The following DCT variants were observed in gnomAD, a reference collection of about 807,000 sequenced individuals.
DCT encodes the protein L-dopachrome tautomerase.
Under a neutral mutation model 53.0 loss-of-function variants are expected in DCT, and 47 were observed. That is an observed-to-expected ratio of 0.89 (90% confidence interval 0.70 to 1.13). The LOEUF (loss-of-function observed/expected upper bound fraction) is 1.13. Among genes scored for constraint, DCT ranks in the 50% most tolerant of loss-of-function variants. The pLI is 0.00. For missense variants in DCT, 669 were observed against 637.4 expected, an observed-to-expected ratio of 1.05 and a Z score of -0.53; for synonymous variants, 244 against 237.0, an observed-to-expected ratio of 1.03 and a Z score of -0.27.
the DCT span, among the ~76,000 whole-genome samples, chr13:94,488,234 T>A: frequency 6.6e-6 from 1 of 152,146 alleles, no homozygotes; most frequent in African/African-American, 2.4e-5. Flanking sequence ...AAAATACAGT[T>A]CTATGGGAGG....
At chr13:94,455,241 G>GC (rs1384974734) in intron 6 of DCT, among the ~76,000 whole-genome samples, 4 of 152,080 alleles carry the variant, frequency 2.6e-5, no homozygotes, top group Non-Finnish European at 5.9e-5. Context: ...AAAAAGCTGA[G>GC]CATGGTGGTA....
chr13:94,507,430 A>T, the DCT span, among the ~76,000 whole-genome samples: 1 of 151,742 alleles, frequency 6.6e-6, no homozygotes, highest in Non-Finnish European at 1.5e-5. Context: ...CAGGTGCAAC[A>T]CCTTTGATGT....
chr13:94,447,460 C>T (rs1882808103), intron 6 of DCT, among the ~76,000 whole-genome samples: 1 of 152,218 alleles, frequency 6.6e-6, no homozygotes, highest in African/African-American at 2.4e-5. Flanking sequence ...TGCTCAATTG[C>T]TTACCATCCA....
the DCT span, among the ~76,000 whole-genome samples, chr13:94,486,909 C>A: frequency 6.6e-6 from 1 of 152,154 alleles, no homozygotes; most frequent in South Asian, 2.1e-4. Context: ...AAGACAAACA[C>A]ACACACACAC....
the DCT span, among the ~76,000 whole-genome samples, chr13:94,503,383 G>A: frequency 6.7e-6 from 1 of 149,426 alleles, no homozygotes; most frequent in African/African-American, 2.5e-5. Flanking sequence ...TTCAAAAAAA[G>A]GAGGGAAGGG....
the DCT span, among the ~76,000 whole-genome samples, chr13:94,488,026 CTT>C: frequency 2.6e-5 from 4 of 151,938 alleles, no homozygotes; most frequent in African/African-American, 7.3e-5. Flanking sequence ...ACACCAAACA[CTT>C]TTTAATTTCA....
the DCT span, among the ~76,000 whole-genome samples, chr13:94,527,953 T>C: frequency 0.023 from 3,440 of 152,262 alleles, 78 homozygotes; most frequent in African/African-American, 0.041. Context: ...AATGACCTGA[T>C]GAAGCTGAAA....
At chr13:94,499,523 T>C in the DCT span, among the ~76,000 whole-genome samples, 2 of 152,068 alleles carry the variant, frequency 1.3e-5, no homozygotes, top group Admixed American at 6.6e-5. Flanking sequence ...TTGATGGCAG[T>C]ATAAAAGAAT....
chr13:94,465,985 T>C (rs1291927866), intron 3 of DCT, among the ~76,000 whole-genome samples, 186 bp from the exon 4 acceptor site: 2 of 17,518 alleles, frequency 1.1e-4, no homozygotes, highest in African/African-American at 1.9e-4. Context: ...TATATATATA[T>C]ATATATATAT....
the DCT span, among the ~76,000 whole-genome samples, chr13:94,518,174 A>AAGAAAGG: frequency 6.9e-6 from 1 of 143,982 alleles, no homozygotes; most frequent in Non-Finnish European, 1.5e-5. Flanking sequence ...AGGAAGGAAG[A>AAGAAAGG]AAGAAAGAAA....
chr13:94,493,920 T>G, the DCT span, among the ~76,000 whole-genome samples: 1 of 152,148 alleles, frequency 6.6e-6, no homozygotes, highest in Non-Finnish European at 1.5e-5. Context: ...GTATCAACAG[T>G]GGAAACAGTG....
At chr13:94,547,962 C>CAAAAA in the DCT span, among the ~76,000 whole-genome samples, 14 of 67,900 alleles carry the variant, frequency 2.1e-4, no homozygotes, top group African/African-American at 1.3e-3. Flanking sequence ...AACTCCGTCT[C>CAAAAA]AAAAAAAAAA....
At chr13:94,506,124 C>T in the DCT span, among the ~76,000 whole-genome samples, 1 of 152,128 alleles carries the variant, frequency 6.6e-6, no homozygotes, top group Non-Finnish European at 1.5e-5. Context: ...ACTTGATATT[C>T]AGAAATCACG....
chr13:94,493,818 G>A, the DCT span, among the ~76,000 whole-genome samples: 9 of 152,118 alleles, frequency 5.9e-5, no homozygotes, highest in Admixed American at 5.9e-4. Context: ...CTGTAACAGT[G>A]AATGCATGTC....
chr13:94,498,591 C>A, the DCT span, among the ~76,000 whole-genome samples: 1 of 152,228 alleles, frequency 6.6e-6, no homozygotes, highest in Non-Finnish European at 1.5e-5. Context: ...AGCTTCCAGA[C>A]AGAACTGTGA....
chr13:94,532,781 A>G, the DCT span, among the ~76,000 whole-genome samples: 1 of 152,190 alleles, frequency 6.6e-6, no homozygotes, highest in Non-Finnish European at 1.5e-5. Flanking sequence ...AACTTAAAGT[A>G]TAATAAAAAA....
At chr13:94,485,539 AAC>A in the DCT span, among the ~76,000 whole-genome samples, 1 of 152,210 alleles carries the variant, frequency 6.6e-6, no homozygotes. Flanking sequence ...ACCTTGCACA[AAC>A]ACAGTGTCTG....
rs978647300 is a variant in DCT at position 94,443,530 on chromosome 13, C to T, written c.1287G>A (p.Met429Ile). 1 of 1,613,938 alleles carries T rather than the reference C, an allele frequency of 6.2e-7. No individual in the cohort carries two copies. The highest frequency in any genetic ancestry group is 8.5e-7 in the Non-Finnish European group (1 of 1,179,864). Residue 429 changes from methionine to isoleucine, a missense_variant, in exon 7 of 8, where the codon ATG becomes ATA. Coordinates refer to ENST00000377028, the MANE Select transcript of DCT (RefSeq NM_001922.5). ...GAGGGAAGAAAGGAACCATGTTGTA[C>T]ATCCGATTGTGACCAATAGGGGCCA... is the stretch of plus-strand genomic sequence containing the variant. ...QELAPIGHNR[M>I]YNMVPFFPPV...
chr13:94,444,274 C>A, intron 6 of DCT: 2 of 319,394 alleles, frequency 6.3e-6, no homozygotes, highest in African/African-American at 2.2e-5. Flanking sequence ...ATTCAAAATC[C>A]CAAACACTTC....
Sources: allele counts gnomAD v4.1 joint callset (sites outside exome capture counted in the v4.1 genomes callset), GRCh38; gene constraint gnomAD v4.1.1; transcripts MANE v1.5; gene names NCBI Gene and HGNC (gene_info 2026-07-23, HGNC 2026-07-21).